RBFOX1: variants seen among roughly 807,000 people sequenced by gnomAD.
The protein encoded by RBFOX1 is RNA binding fox-1 homolog 1.
RBFOX1 carries 8 observed loss-of-function variants against 57.7 expected under a neutral mutation model. That is an observed-to-expected ratio of 0.14 (90% CI 0.08 to 0.25). RBFOX1 has a LOEUF of 0.25. Among genes scored for constraint, RBFOX1 ranks in the 10% least tolerant of loss-of-function variants. The pLI is 1.00. For missense variants in RBFOX1, 611 were observed against 548.5 expected (o/e 1.11, Z -1.14); for synonymous variants, 326 against 222.4 (o/e 1.47, Z -4.15).
At chr16:7,533,193 G>A (rs2080569922) in intron 5 of RBFOX1, among the ~76,000 whole-genome samples, 1 of 152,144 alleles carries the variant, frequency 6.6e-6, no homozygotes, top group Admixed American at 6.5e-5. Flanking sequence ...GGTCGTCTGG[G>A]TTGTTTTTAA....
intron 3 of RBFOX1, among the ~76,000 whole-genome samples, chr16:6,984,843 A>T (rs1251643093): frequency 6.6e-6 from 1 of 151,956 alleles, no homozygotes; most frequent in African/African-American, 2.4e-5. Context: ...GTTTCACCAT[A>T]TTGGTCAGGC....
At chr16:6,536,719 A>C (rs765899121) in intron 2 of RBFOX1, among the ~76,000 whole-genome samples, 5 of 152,188 alleles carry the variant, frequency 3.3e-5, no homozygotes, top group Non-Finnish European at 5.9e-5. Context: ...AGACCCAACA[A>C]GTCAAGATGG....
At chr16:6,680,541 G>C (rs2058495371) in intron 3 of RBFOX1, among the ~76,000 whole-genome samples, 1 of 152,124 alleles carries the variant, frequency 6.6e-6, no homozygotes, top group Non-Finnish European at 1.5e-5. Context: ...GGGATTACAG[G>C]CGTAAGCCAC....
chr16:6,067,615 A>G (rs1313525662), intron 1 of RBFOX1, among the ~76,000 whole-genome samples: 1 of 152,186 alleles, frequency 6.6e-6, no homozygotes, highest in Non-Finnish European at 1.5e-5. Flanking sequence ...TTGCTTTTCC[A>G]TGAAGGTACA....
chr16:5,372,880 A>G (rs1217509033), intron 1 of RBFOX1, among the ~76,000 whole-genome samples: 1 of 152,234 alleles, frequency 6.6e-6, no homozygotes, highest in Non-Finnish European at 1.5e-5. Flanking sequence ...GAATCAAAAC[A>G]CACTCTGCAT....
At position 6,019,463 on chromosome 16, in the gene RBFOX1, G is replaced by T; in HGVS notation, c.-656G>T. 1.0e-6 allele frequency: 1 copy of T among 994,824 alleles called. No homozygotes were observed. The highest frequency in any genetic ancestry group is 1.2e-6 in the Non-Finnish European group (1 of 836,488). The allele number at this position is 994,824 out of a possible 1,614,324, so 61.6% of individuals were successfully genotyped here. The stretch of plus-strand genomic sequence containing the variant: ...GTCGGGTGGGGAAACCCGAACTCGC[G>T]GAGGGGAATCCCTCCCCCTCCGCCC... On this transcript the variant is annotated 5_prime_UTR_variant, in exon 1 of 16. Transcript: ENST00000550418. This position sits in a 1 kb window ranked among gnomAD's most constrained non-coding sequence, Gnocchi z 4.2.
At chr16:5,499,696 C>T (rs2043121799) in intron 2 of RBFOX1, among the ~76,000 whole-genome samples, 1 of 151,962 alleles carries the variant, frequency 6.6e-6, no homozygotes, top group Non-Finnish European at 1.5e-5. Flanking sequence ...TCTTAGTCTC[C>T]CGAGTAGCTG....
chr16:5,759,211 C>G (rs1006687718), intron 3 of RBFOX1, among the ~76,000 whole-genome samples: 3 of 152,184 alleles, frequency 2.0e-5, no homozygotes, highest in Non-Finnish European at 2.9e-5. Flanking sequence ...TTTAGAATGT[C>G]TGAATCTGCA....
intron 4 of RBFOX1, among the ~76,000 whole-genome samples, chr16:7,180,217 C>G (rs983433857): frequency 2.6e-5 from 4 of 152,088 alleles, no homozygotes; most frequent in African/African-American, 9.7e-5. Flanking sequence ...ATAGCATTTA[C>G]TGTATTTCAG....
chr16:7,283,911 A>T (rs540061643), intron 4 of RBFOX1, among the ~76,000 whole-genome samples: 1 of 152,224 alleles, frequency 6.6e-6, no homozygotes, highest in Non-Finnish European at 1.5e-5. Flanking sequence ...CATATTCGTC[A>T]TTCCAAAAAC....
intron 3 of RBFOX1, among the ~76,000 whole-genome samples, chr16:6,749,817 T>G: frequency 6.6e-6 from 1 of 152,204 alleles, no homozygotes; most frequent in East Asian, 1.9e-4. Flanking sequence ...TGTAAAATGT[T>G]TTTATTTCGT....
At chr16:5,971,665 C>T (rs1476693374) in intron 4 of RBFOX1, among the ~76,000 whole-genome samples, 1 of 152,058 alleles carries the variant, frequency 6.6e-6, no homozygotes, top group Non-Finnish European at 1.5e-5. Flanking sequence ...TGATGCCTTC[C>T]CTAGGTCAGA....
chr16:6,921,645 A>ATATT (rs910975670), intron 3 of RBFOX1, among the ~76,000 whole-genome samples: 39 of 55,262 alleles, frequency 7.1e-4, no homozygotes, highest in African/African-American at 2.2e-3. Flanking sequence ...ATATATATAT[A>ATATT]TTTTTTTTTT....
intron 1 of RBFOX1, among the ~76,000 whole-genome samples, chr16:6,234,132 C>T (rs765421195): frequency 6.6e-6 from 1 of 152,100 alleles, no homozygotes; most frequent in Non-Finnish European, 1.5e-5. Flanking sequence ...CTGTATGAAC[C>T]AGTCACCTCT....
intron 4 of RBFOX1, among the ~76,000 whole-genome samples, chr16:7,259,704 A>T (rs1030709502): frequency 6.6e-6 from 1 of 152,228 alleles, no homozygotes; most frequent in Admixed American, 6.5e-5. Flanking sequence ...ATGTTTATAC[A>T]TCACTCACTT....
intron 3 of RBFOX1, among the ~76,000 whole-genome samples, chr16:6,749,711 G>A (rs2074531236): frequency 6.6e-6 from 1 of 152,144 alleles, no homozygotes; most frequent in Non-Finnish European, 1.5e-5. Flanking sequence ...CCAAAGAATT[G>A]CAGTGCACAG....
At chr16:6,219,996 G>T (rs1358213535) in intron 1 of RBFOX1, among the ~76,000 whole-genome samples, 1 of 152,136 alleles carries the variant, frequency 6.6e-6, no homozygotes, top group Non-Finnish European at 1.5e-5. Flanking sequence ...CCGTGTGTGT[G>T]TATCATCCAT....
At chr16:6,679,587 T>G (rs1479715756) in intron 3 of RBFOX1, among the ~76,000 whole-genome samples, 2 of 152,162 alleles carry the variant, frequency 1.3e-5, no homozygotes, top group African/African-American at 4.8e-5. Flanking sequence ...CATTATCTTT[T>G]TATGCTAAGA....
rs143553209 is a variant in RBFOX1, at chr16:6,945,523, C to G, written c.-15-106534C>G. 2.5e-3 allele frequency among the ~76,000 whole-genome samples: 375 copies of G among 152,008 alleles called. 2 individuals are homozygous for G. The highest frequency in any genetic ancestry group is 3.4e-3 in the Middle Eastern group (1 of 294). On this transcript the variant is annotated intron_variant, in intron 3 of 15. Coordinates refer to ENST00000550418, the MANE Select transcript of RBFOX1 (RefSeq NM_018723.4). ...AATTCTCATTTTTGGAAAACACTAC[C>G]TGACCATGTAAAGCCACATCTGTGA...
Sources: gnomAD v4.1 joint callset for allele counts (sites outside exome capture counted in the v4.1 genomes callset) on GRCh38, gnomAD v4.1.1 for gene constraint, Gnocchi (gnomAD v3.1) non-coding constraint, MANE v1.5 for transcripts, NCBI Gene and HGNC (gene_info 2026-07-23, HGNC 2026-07-21) for gene names.